The following WLS variants were observed in gnomAD, a reference collection of about 807,000 sequenced individuals.
The protein encoded by WLS is protein wntless homolog.
WLS carries 23 observed loss-of-function variants against 62.8 expected under a neutral mutation model. That is an observed-to-expected ratio of 0.37 (90% CI 0.26 to 0.52). The LOEUF is 0.52. WLS is among the 20% of genes least tolerant of loss of function. WLS has a pLI of 0.92. For missense variants in WLS, 615 were observed against 697.3 expected (o/e 0.88, Z 1.33); for synonymous variants, 246 against 244.1 (o/e 1.01, Z -0.07).
intron 1 of WLS, chr1:68,231,867 G>A (rs1336657322): frequency 9.3e-6 from 3 of 320,860 alleles, no homozygotes; most frequent in South Asian, 2.3e-5. Flanking sequence ...CGGGGGGGGG[G>A]GGGGGCGAGC....
intron 2 of WLS, among the ~76,000 whole-genome samples, chr1:68,175,195 A>G (rs1418672668): frequency 6.6e-6 from 1 of 152,264 alleles, no homozygotes; most frequent in African/African-American, 2.4e-5. Flanking sequence ...TATTTTTAAA[A>G]GAAATAAAAC....
At chr1:68,115,747 A>C (rs1646283636) in intron 11 of WLS, among the ~76,000 whole-genome samples, 1 of 149,436 alleles carries the variant, frequency 6.7e-6, no homozygotes, top group South Asian at 2.2e-4. Context: ...AGGCATTTTC[A>C]AATGAGACTT....
chr1:68,108,519 A>G (rs1646177800), intron 11 of WLS, among the ~76,000 whole-genome samples: 1 of 152,200 alleles, frequency 6.6e-6, no homozygotes, highest in Non-Finnish European at 1.5e-5. Flanking sequence ...GGTCTACACC[A>G]GATGCCCCCT....
intron 4 of WLS, among the ~76,000 whole-genome samples, chr1:68,154,131 C>T (rs1460870807): frequency 1.3e-5 from 2 of 151,880 alleles, no homozygotes; most frequent in Non-Finnish European, 2.9e-5. Flanking sequence ...CCACAGTGTA[C>T]CCCCCAAAAA....
At chr1:68,141,612 C>A (rs1016036143) in intron 10 of WLS, 2 of 152,124 alleles carry the variant, frequency 1.3e-5, no homozygotes, top group African/African-American at 4.8e-5. Flanking sequence ...CTGGCGAGAT[C>A]CCCTCGCATT....
intron 11 of WLS, among the ~76,000 whole-genome samples, chr1:68,129,767 C>T (rs1001627795): frequency 1.3e-5 from 2 of 152,226 alleles, no homozygotes; most frequent in African/African-American, 4.8e-5. Flanking sequence ...CCTCTCTTGG[C>T]TCCTGCTGTT....
At chr1:68,142,312 G>A (rs1288678488) in intron 10 of WLS, among the ~76,000 whole-genome samples, 1 of 152,164 alleles carries the variant, frequency 6.6e-6, no homozygotes, top group Non-Finnish European at 1.5e-5. Flanking sequence ...CCTTCTTTCT[G>A]CTTTCCTAAA....
chr1:68,134,783 GA>G (rs1646581165), intron 11 of WLS, among the ~76,000 whole-genome samples: 1 of 152,220 alleles, frequency 6.6e-6, no homozygotes, highest in African/African-American at 2.4e-5. Context: ...TGTCTTTGAT[GA>G]AAAACTCTGT....
intron 2 of WLS, among the ~76,000 whole-genome samples, chr1:68,182,661 TC>T (rs1185101613): frequency 6.7e-6 from 1 of 149,342 alleles, no homozygotes; most frequent in Non-Finnish European, 1.5e-5. Flanking sequence ...ACTGACAACT[TC>T]CGTACCATTT....
Position 68,150,309 on chromosome 1 carries a change from A to G in WLS, c.851T>C (p.Val284Ala). The G allele has an allele frequency of 3.7e-6, 6 of 1,614,234 alleles. No individual in the cohort carries two copies. Among genetic ancestry groups the G allele is most frequent in the East Asian group, 2.2e-5 (1 of 44,890 alleles). ...GISMTFINIP[V>A]EWFSIGFDWT... ...GTCAAACCCGATGGAAAACCATTCC[A>G]CTGGGATATTGATAAAGGTCATGGA... The change falls in exon 6 of 12, where the codon GTG (valine) becomes GCG (alanine). Residue 284 changes from valine (V) to alanine (A), a missense_variant. Val to Ala is a moderately conservative substitution (Grantham distance 64, BLOSUM62 0). Coordinates refer to ENST00000262348, the MANE Select transcript of WLS (RefSeq NM_024911.7).
At chr1:68,231,690 A>G (rs1410604891) in intron 1 of WLS, 1 of 456,408 alleles carries the variant, frequency 2.2e-6, no homozygotes, top group East Asian at 7.0e-5. Flanking sequence ...AGACGACCAA[A>G]TGCATTTACA....
rs1040463032 is a variant in WLS at position 68,160,634 on chromosome 1, C to T, written c.380-1387G>A. Among the ~76,000 whole-genome samples, 29 of 152,240 alleles carry T rather than the reference C, an allele frequency of 1.9e-4. 1 individual carries two copies. The highest frequency in any genetic ancestry group is 5.8e-4 in the African/African-American group (24 of 41,530). ...AACTGCAGTGAATGCTAAATGTCTA[C>T]GTTTACAATAAACAAATACAGTAAC... On this transcript the variant is annotated intron_variant, in intron 2 of 11. Transcript: ENST00000262348.
intron 2 of WLS, chr1:68,162,693 C>T: frequency 8.2e-7 from 1 of 1,220,346 alleles, no homozygotes; most frequent in South Asian, 1.2e-5. Flanking sequence ...AGTCCGGTGT[C>T]TCTTCCACGG....
At chr1:68,225,335 T>C (rs1300890098) in intron 1 of WLS, among the ~76,000 whole-genome samples, 1 of 152,180 alleles carries the variant, frequency 6.6e-6, no homozygotes, top group Admixed American at 6.5e-5. Context: ...GATCATTAAG[T>C]TTGAGAATTG....
At chr1:68,179,747 T>C (rs532237145) in intron 2 of WLS, among the ~76,000 whole-genome samples, 2 of 152,320 alleles carry the variant, frequency 1.3e-5, no homozygotes, top group East Asian at 3.9e-4. Context: ...TTCATCTCCA[T>C]TTCCTCTTTG....
At chr1:68,165,089 G>A (rs1303690315) in intron 2 of WLS, among the ~76,000 whole-genome samples, 1 of 152,150 alleles carries the variant, frequency 6.6e-6, no homozygotes, top group Admixed American at 6.5e-5. Flanking sequence ...CTGGGAGTAG[G>A]AATTGGGACT....
At chr1:68,208,033 C>T (rs1222969874) in intron 1 of WLS, among the ~76,000 whole-genome samples, 1 of 152,152 alleles carries the variant, frequency 6.6e-6, no homozygotes, top group Admixed American at 6.6e-5. Context: ...AACAGGGGCT[C>T]CCCTCACCTA....
exon 12 of WLS, chr1:68,098,648 G>A: frequency 6.2e-7 from 1 of 1,613,890 alleles, no homozygotes; most frequent in Non-Finnish European, 8.5e-7. Context: ...ACCAGAAGCT[G>A]CGTTGTCATT....
chr1:68,136,188 C>T (rs1176788606), intron 11 of WLS, among the ~76,000 whole-genome samples: 1 of 152,166 alleles, frequency 6.6e-6, no homozygotes, highest in Non-Finnish European at 1.5e-5. Context: ...TGCTCCACTT[C>T]ATCTCATCTC....
Sources: allele counts gnomAD v4.1 joint callset (sites outside exome capture counted in the v4.1 genomes callset), GRCh38; gene constraint gnomAD v4.1.1; transcripts MANE v1.5; gene names NCBI Gene and HGNC (gene_info 2026-07-23, HGNC 2026-07-21).